STAG1: variants seen among roughly 807,000 people sequenced by gnomAD.
STAG1 encodes the protein STAG1 cohesin complex component, also known as cohesin subunit SA-1.
A neutral mutation model predicts 170.9 loss-of-function variants in STAG1; 26 were observed. That is an observed-to-expected ratio of 0.15 (90% CI 0.11 to 0.21). STAG1 has a LOEUF of 0.21. Among genes scored for constraint, STAG1 ranks in the 10% least tolerant of loss-of-function variants. STAG1 has a pLI of 1.00. For synonymous variants in STAG1, 514 were observed against 497.7 expected (o/e 1.03, Z -0.44); for missense variants, 964 against 1,509.5 (o/e 0.64, Z 5.99).
intron 4 of STAG1, among the ~76,000 whole-genome samples, chr3:136,581,112 A>G (rs562690282): frequency 1.3e-5 from 2 of 152,258 alleles, no homozygotes; most frequent in East Asian, 3.9e-4. Flanking sequence ...CAGCCTCCCA[A>G]AGTGCTGGGA....
chr3:136,633,431 T>C (rs550981304), intron 1 of STAG1, among the ~76,000 whole-genome samples: 15 of 152,262 alleles, frequency 9.9e-5, no homozygotes, highest in African/African-American at 3.4e-4. Flanking sequence ...CCAGACATGG[T>C]GGCTCACGCC....
chr3:136,418,120 G>A (rs1875955), intron 20 of STAG1, 148 bp from the exon 21 acceptor site: 108 of 624,822 alleles, frequency 1.7e-4, no homozygotes, highest in South Asian at 7.1e-4. Context: ...CTGGAAGGCC[G>A]CGGCTGGCAA....
At chr3:136,402,233 G>C (rs781136674) in intron 21 of STAG1, among the ~76,000 whole-genome samples, 1 of 150,918 alleles carries the variant, frequency 6.6e-6, no homozygotes, top group African/African-American at 2.4e-5. Context: ...AATTTTTTTG[G>C]GGGGGACAGA....
chr3:136,713,977 T>C (rs1305147556), intron 1 of STAG1, among the ~76,000 whole-genome samples: 1 of 151,750 alleles, frequency 6.6e-6, no homozygotes, highest in Non-Finnish European at 1.5e-5. Flanking sequence ...TGAGCCAAGA[T>C]CGTGCCGTTG....
At position 136,501,921 on chromosome 3, in the gene STAG1, C is replaced by A. The variant is rs986824707; in HGVS notation, c.828+707G>T. Among the ~76,000 whole-genome samples the A allele has an allele frequency of 2.9e-4, 44 of 152,208 alleles. 1 individual carries two copies. The highest frequency in any genetic ancestry group is 1.0e-3 in the African/African-American group (43 of 41,534). Reference sequence around the variant, plus strand: ...TATAGGCCGGGCACAGTGGCTCATGCCTGTAATCTCAGCACTTTGGGAGGC... The same window carrying A: ...TATAGGCCGGGCACAGTGGCTCATGACTGTAATCTCAGCACTTTGGGAGGC... On this transcript the variant is annotated intron_variant, in intron 8 of 33. Coordinates refer to ENST00000383202, the MANE Select transcript of STAG1 (RefSeq NM_005862.3).
chr3:136,702,516 A>G (rs1444847846), intron 1 of STAG1, among the ~76,000 whole-genome samples: 1 of 151,926 alleles, frequency 6.6e-6, no homozygotes, highest in Non-Finnish European at 1.5e-5. Context: ...GCTCCCAAGT[A>G]GCTGGGATTA....
At chr3:136,467,960 A>G (rs1465106623) in intron 12 of STAG1, among the ~76,000 whole-genome samples, 3 of 152,234 alleles carry the variant, frequency 2.0e-5, no homozygotes, top group Non-Finnish European at 2.9e-5. Flanking sequence ...TTTGAAACCA[A>G]TGAGAACAAA....
chr3:136,417,617 A>G (rs1257546961), intron 21 of STAG1: 3 of 310,800 alleles, frequency 9.7e-6, no homozygotes, highest in Non-Finnish European at 1.8e-5. Context: ...CATAGATATT[A>G]ATGGTATTTC....
intron 1 of STAG1, among the ~76,000 whole-genome samples, chr3:136,729,660 C>T (rs894651580): frequency 7.3e-5 from 11 of 150,384 alleles, no homozygotes; most frequent in African/African-American, 2.4e-4. Flanking sequence ...GAAACCTCCG[C>T]CTCCCAGTTT....
chr3:136,479,212 T>A (rs1163782152), intron 9 of STAG1, among the ~76,000 whole-genome samples: 8 of 141,956 alleles, frequency 5.6e-5, no homozygotes, highest in Non-Finnish European at 1.1e-4. Context: ...TATCTCCCAA[T>A]GCTATCCCTC....
At chr3:136,563,864 C>CA (rs920112556) in intron 5 of STAG1, among the ~76,000 whole-genome samples, 3 of 151,910 alleles carry the variant, frequency 2.0e-5, no homozygotes, top group Admixed American at 6.6e-5. Flanking sequence ...ACTAAAAATA[C>CA]AAAAAAACTT....
chr3:136,628,876 C>A (rs150978337), intron 2 of STAG1, among the ~76,000 whole-genome samples: 5 of 152,236 alleles, frequency 3.3e-5, no homozygotes, highest in Middle Eastern at 3.4e-3. Context: ...GGTGACAAAT[C>A]CATCAGCAAT....
intron 1 of STAG1, among the ~76,000 whole-genome samples, chr3:136,741,329 CA>C (rs2107951411): frequency 6.6e-6 from 1 of 152,318 alleles, no homozygotes; most frequent in Non-Finnish European, 1.5e-5. Context: ...TGACTTCTAC[CA>C]TAAGCCATTA....
At chr3:136,611,295 A>G (rs1334921735) in intron 3 of STAG1, among the ~76,000 whole-genome samples, 1 of 151,790 alleles carries the variant, frequency 6.6e-6, no homozygotes, top group Non-Finnish European at 1.5e-5. Flanking sequence ...GATTACAAGC[A>G]TGCGCCACCA....
intron 4 of STAG1, chr3:136,586,727 T>C (rs1310982468): frequency 2.0e-5 from 7 of 358,580 alleles, no homozygotes; most frequent in Admixed American, 3.5e-5. Context: ...CTAAAAATAA[T>C]TGTAGTGTGA....
Position 136,750,977 on chromosome 3 carries a change from G to A in STAG1, c.-84+1218C>T, listed in dbSNP as rs72981316. On this transcript the variant is annotated intron_variant, in intron 1 of 33. Coordinates refer to ENST00000383202, the MANE Select transcript of STAG1 (RefSeq NM_005862.3). ...ATGTGCAATTTTCTTAAAACACGAG[G>A]AAAACTAAAATGTAGAGTCATTCAA... Among the ~76,000 whole-genome samples the A allele has an allele frequency of 6.0e-3, 917 of 152,278 alleles. 6 individuals are homozygous for A. Among genetic ancestry groups the A allele is most frequent in the African/African-American group, 0.022 (895 of 41,558 alleles).
chr3:136,644,076 G>A (rs930480709), intron 1 of STAG1, among the ~76,000 whole-genome samples: 5 of 152,124 alleles, frequency 3.3e-5, no homozygotes, highest in African/African-American at 7.2e-5. Context: ...GAAGGACACA[G>A]TAAACCACAC....
Position 136,378,181 on chromosome 3 carries a change from A to G in STAG1, c.2278-429T>C, listed in dbSNP as rs184786598. Among the ~76,000 whole-genome samples the G allele has an allele frequency of 4.6e-5, 7 of 152,330 alleles. No homozygotes were observed. In the East Asian group the frequency reaches 1.4e-3, roughly 29 times the overall value. ...ACTCTGCAAAATGTCAGGGGAAGAA[A>G]GATAAATTTAAGACAGTGCCATGCC... On this transcript the variant is annotated intron_variant, in intron 22 of 33. Coordinates refer to ENST00000383202, the MANE Select transcript of STAG1 (RefSeq NM_005862.3).
intron 5 of STAG1, among the ~76,000 whole-genome samples, chr3:136,545,678 A>C (rs765979215): frequency 6.6e-6 from 1 of 152,098 alleles, no homozygotes; most frequent in Non-Finnish European, 1.5e-5. Context: ...ATATCTTGGG[A>C]TGCATGGGAT....
Sources: allele counts gnomAD v4.1 joint callset (sites outside exome capture counted in the v4.1 genomes callset), GRCh38; gene constraint gnomAD v4.1.1; transcripts MANE v1.5; gene names NCBI Gene and HGNC (gene_info 2026-07-23, HGNC 2026-07-21).